The following FBN1 variants were observed in gnomAD, a reference collection of about 807,000 sequenced individuals.
FBN1 encodes fibrillin-1.
FBN1 carries 29 observed loss-of-function variants against 365.1 expected under a neutral mutation model. That is an observed-to-expected ratio of 0.08 (90% CI 0.06 to 0.11). The LOEUF (loss-of-function observed/expected upper bound fraction) is 0.11. Among genes scored for constraint, FBN1 ranks in the 10% least tolerant of loss-of-function variants. The pLI is 1.00. For synonymous variants in FBN1, 1,210 were observed against 1,270.5 expected, an observed-to-expected ratio of 0.95 and a Z score of 1.01; for missense variants, 2,476 against 3,703.2, an observed-to-expected ratio of 0.67 and a Z score of 8.60.
chr15:48,497,543 T>C (rs2043618687), intron 18 of FBN1, 152 bp from the exon 19 acceptor site: 1 of 729,690 alleles, frequency 1.4e-6, no homozygotes, highest in Admixed American at 2.4e-5. Flanking sequence ...TCTGTCTCTT[T>C]TTCTCACTGT....
chr15:48,512,274 T>C (rs1036700575), intron 13 of FBN1, among the ~76,000 whole-genome samples: 1 of 152,236 alleles, frequency 6.6e-6, no homozygotes, highest in East Asian at 1.9e-4. Context: ...TTAACTCTTG[T>C]CAATGGCTAC....
intron 12 of FBN1, among the ~76,000 whole-genome samples, chr15:48,514,660 T>C (rs1163423141): frequency 6.6e-6 from 1 of 152,142 alleles, no homozygotes; most frequent in Non-Finnish European, 1.5e-5. Flanking sequence ...ATAACTAGTC[T>C]AAGAGAGTTG....
At chr15:48,562,796 C>T (rs879238438) in intron 6 of FBN1, among the ~76,000 whole-genome samples, 1 of 152,090 alleles carries the variant, frequency 6.6e-6, no homozygotes, top group Admixed American at 6.6e-5. Context: ...GAACAGCCCA[C>T]ACAAGCTTTC....
chr15:48,485,457 G>A lies in FBN1; in HGVS notation c.3629C>T (p.Thr1210Ile). The A allele has an allele frequency of 6.2e-7, 1 of 1,614,154 alleles. No homozygotes were observed. The highest frequency in any genetic ancestry group is 8.5e-7 in the Non-Finnish European group (1 of 1,180,008). Residue 1210 changes from threonine to isoleucine, a missense_variant, in exon 30 of 66, where the codon ACC becomes ATC. This residue lies in a region of FBN1 where 1,780 missense variants were observed against 2,840.8 expected (regional missense o/e 0.63). Coordinates refer to ENST00000316623, the MANE Select transcript of FBN1 (RefSeq NM_000138.5). ...ECSIMNGGCE[T>I]FCTNSEGSYE... ...GCTGCCTTCAGAGTTTGTGCAGAAG[G>A]TTTCACAACCACCATTCATTATGCT...
chr15:48,503,780 C>A lies in FBN1; in HGVS notation c.2113+7G>T. On this transcript the variant is annotated splice_region_variant and intron_variant, in intron 17 of 65. Transcript: ENST00000316623. ...CAGTACGAGGGCATCTCCATGATAC[C>A]ACATACCTGAATTCTGTGCAGGACA... 1 of 1,613,614 alleles carries A rather than the reference C, an allele frequency of 6.2e-7. No individual in the cohort carries two copies. The highest frequency in any genetic ancestry group is 8.5e-7 in the Non-Finnish European group (1 of 1,179,896).
intron 44 of FBN1, among the ~76,000 whole-genome samples, chr15:48,455,422 G>A (rs1597540012): frequency 6.6e-6 from 1 of 152,202 alleles, no homozygotes; most frequent in Admixed American, 6.5e-5. Flanking sequence ...CATCATCAAA[G>A]CCATCTCTGA....
intron 2 of FBN1, among the ~76,000 whole-genome samples, chr15:48,625,544 T>C (rs1264071759): frequency 3.3e-5 from 5 of 152,136 alleles, no homozygotes; most frequent in African/African-American, 1.2e-4. Flanking sequence ...TCAGGGCCAA[T>C]ACAGGACATC....
chr15:48,433,171 G>T (rs548257424), intron 54 of FBN1, among the ~76,000 whole-genome samples, 183 bp from the exon 55 acceptor site: 1 of 152,122 alleles, frequency 6.6e-6, no homozygotes, highest in Non-Finnish European at 1.5e-5. Flanking sequence ...TTTATATTTG[G>T]TATAAACAGA....
chr15:48,531,424 T>C (rs1046954063), intron 8 of FBN1, among the ~76,000 whole-genome samples: 1 of 152,142 alleles, frequency 6.6e-6, no homozygotes, highest in African/African-American at 2.4e-5. Context: ...TTTGATGGAA[T>C]TGGTTTTTCT....
At chr15:48,585,947 C>T (rs1308033034) in intron 6 of FBN1, among the ~76,000 whole-genome samples, 1 of 152,066 alleles carries the variant, frequency 6.6e-6, no homozygotes, top group East Asian at 1.9e-4. Flanking sequence ...GCTGATAAGG[C>T]TTCCTGAAGC....
At chr15:48,435,780 G>GTATA (rs1382120396) in intron 53 of FBN1, among the ~76,000 whole-genome samples, 113 of 77,494 alleles carry the variant, frequency 1.5e-3, no homozygotes, top group East Asian at 7.7e-3. Flanking sequence ...ATATGTGTGT[G>GTATA]TGTGTGTGTG....
Position 48,483,855 on chromosome 15 carries a change from A to G in FBN1, c.3801T>C (p.Asp1267=), listed in dbSNP as rs769208631. The part of the protein sequence containing the change: ...IPGEYRCLCY[D]GFMASEDMKT... ...TCATGTCTTCAGATGCCATGAATCC[A>G]TCATAACACAAGCACCTGTACTCTC... The change falls in exon 31 of 66, where the codon GAT becomes GAC. Residue 1267 remains aspartate (D), a synonymous_variant. Transcript: ENST00000316623. 1.2e-5 allele frequency: 20 copies of G among 1,613,730 alleles called. No individual in the cohort carries two copies. In the South Asian group the frequency reaches 2.1e-4, roughly 17 times the overall value.
Position 48,461,304 on chromosome 15 carries a change from GA to G in FBN1, c.5225-988del, listed in dbSNP as rs749077093. Among the ~76,000 whole-genome samples the G allele has an allele frequency of 2.7e-4, 41 of 152,272 alleles. 1 individual carries two copies. The highest frequency in any genetic ancestry group is 8.5e-4 in the Admixed American group (13 of 15,290). ...AGAAGAAATCTTGCATTTTACACAA[GA>G]GTATGTAGATATTCAAAACTCAGGC... On this transcript the variant is annotated intron_variant, in intron 42 of 65. Transcript: ENST00000316623.
At chr15:48,428,267 T>C in intron 57 of FBN1, 79 bp downstream of exon 57, 1 of 1,550,504 alleles carries the variant, frequency 6.4e-7, no homozygotes, top group Non-Finnish European at 8.9e-7. Context: ...TTTTCTTGTA[T>C]TTTAAATAAG....
At chr15:48,460,750 T>G (rs1006914042) in intron 42 of FBN1, among the ~76,000 whole-genome samples, 3 of 152,170 alleles carry the variant, frequency 2.0e-5, no homozygotes, top group Non-Finnish European at 4.4e-5. Flanking sequence ...CTAGCCACAT[T>G]CTTGACATCA....
chr15:48,643,529 A>G (rs1183236903), intron 2 of FBN1: 3 of 152,214 alleles, frequency 2.0e-5, no homozygotes, highest in African/African-American at 4.8e-5. Context: ...ATACATGACT[A>G]TAACACCTCA....
intron 2 of FBN1, among the ~76,000 whole-genome samples, chr15:48,630,095 C>A (rs1249201117): frequency 1.3e-5 from 2 of 152,226 alleles, no homozygotes; most frequent in Admixed American, 1.3e-4. Context: ...TACACCTGTG[C>A]AAACAATTAA....
intron 4 of FBN1, among the ~76,000 whole-genome samples, chr15:48,601,428 G>A (rs1464022745): frequency 6.6e-6 from 1 of 152,222 alleles, no homozygotes; most frequent in East Asian, 1.9e-4. Flanking sequence ...TGGAGGTTTG[G>A]CTTATTCTGT....
chr15:48,622,326 T>G (rs1227984948), intron 2 of FBN1, among the ~76,000 whole-genome samples: 1 of 152,170 alleles, frequency 6.6e-6, no homozygotes, highest in Non-Finnish European at 1.5e-5. Context: ...AAGGTCTGCC[T>G]GGGGAACTCA....
Sources: gnomAD v4.1 joint callset for allele counts (sites outside exome capture counted in the v4.1 genomes callset) on GRCh38, gnomAD v4.1.1 for gene constraint, gnomAD v4.1.1 regional missense constraint, MANE v1.5 for transcripts, NCBI Gene and HGNC (gene_info 2026-07-23, HGNC 2026-07-21) for gene names.